The following TNS1 variants were observed in gnomAD, a reference collection of about 807,000 sequenced individuals.
TNS1 encodes the protein tensin 1.
In TNS1, 62 loss-of-function variants were observed where a neutral mutation model predicts 168.6. That is an observed-to-expected ratio of 0.37 (90% CI 0.30 to 0.45). The LOEUF (loss-of-function observed/expected upper bound fraction) is 0.45, where lower values mean the gene tolerates loss of function less well. TNS1 is among the 20% of genes least tolerant of loss of function. The pLI, the probability that TNS1 is intolerant of heterozygous loss-of-function variation, is 1.00. For synonymous variants in TNS1, 934 were observed against 933.2 expected, an observed-to-expected ratio of 1.00 and a Z score of -0.02; for missense variants, 2,240 against 2,339.4, an observed-to-expected ratio of 0.96 and a Z score of 0.88.
intron 3 of TNS1, among the ~76,000 whole-genome samples, chr2:217,923,921 C>G (rs1222232376): frequency 6.6e-6 from 1 of 152,156 alleles, no homozygotes; most frequent in African/African-American, 2.4e-5. Context: ...CTAGTATTTT[C>G]TCAACTTCAA....
chr2:217,884,274 G>C (rs1363096003), intron 16 of TNS1, among the ~76,000 whole-genome samples: 1 of 151,946 alleles, frequency 6.6e-6, no homozygotes, highest in African/African-American at 2.4e-5. Flanking sequence ...TGCATAGATG[G>C]ATGGGTGGGT....
intron 8 of TNS1, among the ~76,000 whole-genome samples, chr2:217,896,461 A>G (rs915334371): frequency 3.3e-5 from 5 of 152,222 alleles, no homozygotes; most frequent in African/African-American, 4.8e-5. Context: ...GACACTGAAG[A>G]AGGCCACGTG....
chr2:217,851,228 T>C (rs142365193), intron 18 of TNS1, among the ~76,000 whole-genome samples: 1 of 151,676 alleles, frequency 6.6e-6, no homozygotes, highest in South Asian at 2.1e-4. Flanking sequence ...AATACAAATG[T>C]TCCTACCATG....
At chr2:218,016,056 G>A (rs904945179) in intron 1 of TNS1, among the ~76,000 whole-genome samples, 1 of 152,084 alleles carries the variant, frequency 6.6e-6, no homozygotes, top group Non-Finnish European at 1.5e-5. Context: ...CCAGGGAAAG[G>A]GGGAGGGCAG....
chr2:217,831,435 C>A lies in TNS1; in HGVS notation c.3373+20G>T. 2 of 1,558,570 alleles carry A rather than the reference C, an allele frequency of 1.3e-6. No individual in the cohort carries two copies. Among genetic ancestry groups the A allele is most frequent in the South Asian group, 1.2e-5 (1 of 84,428 alleles). ...TCCTCCCCCTGGCCCCCCTCCCCATCTTCCCTCTTCCCAACTCACCTCCTG... is the reference window on the plus strand; with the variant it reads ...TCCTCCCCCTGGCCCCCCTCCCCATATTCCCTCTTCCCAACTCACCTCCTG... On this transcript the variant is annotated intron_variant, in intron 22 of 32. Transcript: ENST00000682258.
intron 3 of TNS1, among the ~76,000 whole-genome samples, chr2:217,967,042 G>A (rs1307340640): frequency 1.3e-5 from 2 of 152,216 alleles, no homozygotes; most frequent in South Asian, 2.1e-4. Context: ...TCTATAGGCC[G>A]GGTGCGGTGG....
At chr2:217,841,181 G>A in intron 19 of TNS1, 1 of 980,344 alleles carries the variant, frequency 1.0e-6, no homozygotes, top group Non-Finnish European at 1.2e-6. Flanking sequence ...GGGAGAAGGG[G>A]GAAGGAGAGC....
intron 3 of TNS1, among the ~76,000 whole-genome samples, chr2:217,923,614 C>T (rs1050619178): frequency 3.9e-5 from 6 of 152,212 alleles, no homozygotes; most frequent in African/African-American, 7.2e-5. Flanking sequence ...GAGCCATCCA[C>T]AGCCACAGGA....
intron 12 of TNS1, among the ~76,000 whole-genome samples, chr2:217,889,459 C>T (rs1247007180): frequency 6.6e-6 from 1 of 152,164 alleles, no homozygotes; most frequent in African/African-American, 2.4e-5. Flanking sequence ...GCTAAAAAGG[C>T]AAATAGGATG....
intron 18 of TNS1, among the ~76,000 whole-genome samples, chr2:217,867,347 G>A (rs1949366997): frequency 6.6e-6 from 1 of 152,174 alleles, no homozygotes; most frequent in South Asian, 2.1e-4. Context: ...CCTATAGATA[G>A]ACTTACCCAA....
chr2:217,833,526 G>A (rs973524344), intron 21 of TNS1, among the ~76,000 whole-genome samples: 2 of 152,260 alleles, frequency 1.3e-5, no homozygotes, highest in East Asian at 3.8e-4. Flanking sequence ...AGCCCAGGTG[G>A]CTTCCACCCA....
chr2:217,808,588 G>A lies in TNS1; in HGVS notation c.5342+15C>T. 1 of 1,613,426 alleles carries A rather than the reference G, an allele frequency of 6.2e-7. No homozygotes were observed. Among genetic ancestry groups the A allele is most frequent in the Non-Finnish European group, 8.5e-7 (1 of 1,179,360 alleles). On this transcript the variant is annotated intron_variant, in intron 31 of 32. Transcript: ENST00000682258. ...GAAAGCTGTGTGGGAGAGAAGCTGT[G>A]TACAAGAGACTTACTTTCTTTCCTG...
intron 3 of TNS1, among the ~76,000 whole-genome samples, chr2:217,949,426 C>T (rs1957190121): frequency 6.6e-6 from 1 of 152,212 alleles, no homozygotes; most frequent in East Asian, 1.9e-4. Context: ...GGGAGCCCTC[C>T]TTCCCATAGC....
At chr2:217,838,572 C>T (rs1385248407) in intron 19 of TNS1, among the ~76,000 whole-genome samples, 1 of 152,260 alleles carries the variant, frequency 6.6e-6, no homozygotes, top group Non-Finnish European at 1.5e-5. Flanking sequence ...AAGGGTAAGA[C>T]CCTGCATTCC....
chr2:217,960,768 A>C (rs1171766939), intron 3 of TNS1, among the ~76,000 whole-genome samples: 1 of 151,748 alleles, frequency 6.6e-6, no homozygotes. Flanking sequence ...CCAGAGGACA[A>C]CCCCTCCTTA....
intron 1 of TNS1, among the ~76,000 whole-genome samples, chr2:218,026,175 G>A (rs1479133376): frequency 6.6e-6 from 1 of 152,154 alleles, no homozygotes; most frequent in Admixed American, 6.5e-5. Context: ...ATGCTTTTAG[G>A]ACAGTGGAGG....
intron 3 of TNS1, among the ~76,000 whole-genome samples, chr2:217,960,404 G>C (rs1957468244): frequency 6.6e-6 from 1 of 152,170 alleles, no homozygotes; most frequent in South Asian, 2.1e-4. Context: ...GAGGGCAAGG[G>C]GGACCAGTGG....
chr2:217,978,085 G>A (rs1307629186), intron 3 of TNS1, among the ~76,000 whole-genome samples: 3 of 152,142 alleles, frequency 2.0e-5, no homozygotes, highest in Non-Finnish European at 4.4e-5. Context: ...AAACCTCAGT[G>A]GATACATCAG....
intron 7 of TNS1, among the ~76,000 whole-genome samples, chr2:217,899,614 A>G (rs1042782078): frequency 8.5e-5 from 13 of 152,222 alleles, no homozygotes; most frequent in Non-Finnish European, 1.5e-5. Flanking sequence ...GAAGGGGAGC[A>G]AGAGGGGCCG....
Sources: gnomAD v4.1 joint callset for allele counts (sites outside exome capture counted in the v4.1 genomes callset) on GRCh38, gnomAD v4.1.1 for gene constraint, MANE v1.5 for transcripts, NCBI Gene and HGNC (gene_info 2026-07-23, HGNC 2026-07-21) for gene names.